SLC39A12: variants seen among roughly 807,000 people sequenced by gnomAD.
The protein encoded by SLC39A12 is zinc transporter ZIP12.
SLC39A12 carries 63 observed loss-of-function variants against 71.1 expected under a neutral mutation model. The ratio of observed to expected loss-of-function variants is 0.89; its 90% confidence interval spans 0.72 to 1.09. The LOEUF is 1.09. Among genes scored for constraint, SLC39A12 ranks in the 50% least tolerant of loss-of-function variants. The pLI is 0.00. For missense variants in SLC39A12, 892 were observed against 812.6 expected, an observed-to-expected ratio of 1.10 and a Z score of -1.19; for synonymous variants, 351 against 301.3, an observed-to-expected ratio of 1.16 and a Z score of -1.71.
At chr10:18,041,618 CAT>C (rs751164929) in intron 12 of SLC39A12, among the ~76,000 whole-genome samples, 3 of 126,006 alleles carry the variant, frequency 2.4e-5, no homozygotes, top group African/African-American at 6.3e-5. Flanking sequence ...TATGTATATA[CAT>C]ATGTATATAT....
chr10:18,008,210 A>G (rs541603685), intron 12 of SLC39A12, among the ~76,000 whole-genome samples: 6 of 152,138 alleles, frequency 3.9e-5, no homozygotes, highest in Non-Finnish European at 7.4e-5. Context: ...ATCTGTACTT[A>G]CAGCCGCTCT....
chr10:17,974,272 T>G (rs917625485), intron 4 of SLC39A12, among the ~76,000 whole-genome samples: 3 of 152,206 alleles, frequency 2.0e-5, no homozygotes, highest in Admixed American at 2.0e-4. Flanking sequence ...GTGCCTTATT[T>G]AATTCATTCG....
intron 12 of SLC39A12, among the ~76,000 whole-genome samples, chr10:18,036,788 A>ATTTTTTTTTTTTTTTTT (rs1319675306): frequency 5.9e-4 from 10 of 17,008 alleles, no homozygotes; most frequent in Non-Finnish European, 1.1e-3. Context: ...ATATATATAT[A>ATTTTTTTTTTTTTTTTT]TATATATTTT....
intron 12 of SLC39A12, among the ~76,000 whole-genome samples, chr10:18,012,874 A>C (rs866139824): frequency 7.5e-4 from 114 of 151,998 alleles, no homozygotes; most frequent in African/African-American, 2.7e-3. Context: ...TCAAAAAAAA[A>C]AAAAAAAAAA....
At chr10:17,952,968 A>C (rs7081872) in intron 1 of SLC39A12, among the ~76,000 whole-genome samples, 1 of 152,094 alleles carries the variant, frequency 6.6e-6, no homozygotes, top group African/African-American at 2.4e-5. Context: ...CGCTATGTTT[A>C]GTTTAGGGAG....
chr10:18,036,119 C>G (rs1352250359), intron 12 of SLC39A12, among the ~76,000 whole-genome samples: 1 of 152,024 alleles, frequency 6.6e-6, no homozygotes, highest in African/African-American at 2.4e-5. Context: ...GTGCCCTGCC[C>G]CCAGAGGTGG....
intron 12 of SLC39A12, among the ~76,000 whole-genome samples, chr10:18,024,988 T>A (rs935118538): frequency 6.6e-6 from 1 of 152,218 alleles, no homozygotes; most frequent in Non-Finnish European, 1.5e-5. Context: ...ATTTAAAGCA[T>A]GTTTCTTGTA....
chr10:17,970,301 A>G (rs913040949), intron 4 of SLC39A12, among the ~76,000 whole-genome samples: 1 of 152,058 alleles, frequency 6.6e-6, no homozygotes, highest in African/African-American at 2.4e-5. Context: ...ATTTTAGGGT[A>G]GTTTTTTCTA....
chr10:17,992,730 T>C (rs1835585719), intron 8 of SLC39A12, among the ~76,000 whole-genome samples: 1 of 152,184 alleles, frequency 6.6e-6, no homozygotes, highest in Admixed American at 6.5e-5. Flanking sequence ...TTTATGGGCT[T>C]GTCAGGGAAC....
At chr10:17,983,168 C>CAAAAAAA (rs59513976) in intron 6 of SLC39A12, among the ~76,000 whole-genome samples, 3 of 60,596 alleles carry the variant, frequency 5.0e-5, no homozygotes, top group African/African-American at 1.2e-4. Flanking sequence ...GACTCCATCT[C>CAAAAAAA]AAAAAAAAAA....
At chr10:18,025,821 C>A (rs1836662731) in intron 12 of SLC39A12, among the ~76,000 whole-genome samples, 2 of 152,174 alleles carry the variant, frequency 1.3e-5, no homozygotes, top group South Asian at 4.1e-4. Flanking sequence ...CTGACTTCCA[C>A]CATGGTTCTC....
Position 18,040,159 on chromosome 10 carries a change from A to G in SLC39A12, c.1948-2546A>G, listed in dbSNP as rs77232023. On this transcript the variant is annotated intron_variant, in intron 12 of 12. Transcript: ENST00000377369. ...CACTTTACTACAAAATTGAAAATAT[A>G]GACTGTTTTATCCACATTCCATAGA... Among the ~76,000 whole-genome samples the G allele has an allele frequency of 2.8e-3, 430 of 152,356 alleles. 1 individual carries two copies. Among genetic ancestry groups the G allele is most frequent in the African/African-American group, 9.5e-3 (396 of 41,578 alleles).
chr10:18,006,370 T>C (rs756025130), intron 12 of SLC39A12, among the ~76,000 whole-genome samples: 1 of 152,156 alleles, frequency 6.6e-6, no homozygotes, highest in Non-Finnish European at 1.5e-5. Flanking sequence ...TAACTCCAAA[T>C]TGCACTGAAG....
chr10:18,034,103 G>A (rs978990274), intron 12 of SLC39A12, among the ~76,000 whole-genome samples: 7 of 151,712 alleles, frequency 4.6e-5, no homozygotes, highest in Non-Finnish European at 1.0e-4. Context: ...GGTGTGGTGT[G>A]GTGCTGAAAA....
At chr10:17,960,479 G>A (rs1002625481) in intron 2 of SLC39A12, among the ~76,000 whole-genome samples, 4 of 152,146 alleles carry the variant, frequency 2.6e-5, no homozygotes, top group African/African-American at 9.7e-5. Flanking sequence ...TCCCTAAATA[G>A]GATAGAAGAG....
At chr10:17,964,143 C>T (rs1395631053) in intron 3 of SLC39A12, among the ~76,000 whole-genome samples, 1 of 152,178 alleles carries the variant, frequency 6.6e-6, no homozygotes, top group East Asian at 1.9e-4. Context: ...TGGAATTCTC[C>T]TTTATCCTCT....
intron 11 of SLC39A12, chr10:18,002,010 G>A (rs1481449916): frequency 6.7e-6 from 1 of 148,974 alleles, no homozygotes; most frequent in African/African-American, 2.5e-5. Context: ...CCCAGCCTCT[G>A]GTAACCTTCT....
intron 12 of SLC39A12, among the ~76,000 whole-genome samples, chr10:18,022,337 TTTTG>T (rs1370225607): frequency 6.6e-6 from 1 of 152,130 alleles, no homozygotes; most frequent in Admixed American, 6.5e-5. Context: ...TTTAGTTCTT[TTTTG>T]TTTATTTTTG....
chr10:17,999,504 A>G (rs1181404316), intron 10 of SLC39A12, among the ~76,000 whole-genome samples: 1 of 152,156 alleles, frequency 6.6e-6, no homozygotes, highest in Non-Finnish European at 1.5e-5. Flanking sequence ...TATACTTTTC[A>G]TGTTTGTGAG....
Sources: gnomAD v4.1 joint callset for allele counts (sites outside exome capture counted in the v4.1 genomes callset) on GRCh38, gnomAD v4.1.1 for gene constraint, MANE v1.5 for transcripts, NCBI Gene and HGNC (gene_info 2026-07-23, HGNC 2026-07-21) for gene names.